Variants in ATP7B observed in about 807,000 individuals in gnomAD.
The protein encoded by ATP7B is copper-transporting ATPase 2.
A neutral mutation model predicts 118.9 loss-of-function variants in ATP7B; 113 were observed. The observed-to-expected ratio is 0.95, with a 90% CI of 0.82 to 1.11. ATP7B has a LOEUF of 1.11. Among genes scored for constraint, ATP7B ranks in the 50% most tolerant of loss-of-function variants. The pLI is 0.00. For missense variants in ATP7B, 1,867 were observed against 1,871.4 expected, an observed-to-expected ratio of 1.00 and a Z score of 0.04; for synonymous variants, 777 against 727.4, an observed-to-expected ratio of 1.07 and a Z score of -1.10.
chr13:51,997,636 C>T (rs971955393), intron 1 of ATP7B, among the ~76,000 whole-genome samples: 2 of 152,114 alleles, frequency 1.3e-5, no homozygotes, highest in African/African-American at 4.8e-5. Context: ...GAGGAGAGAA[C>T]TCACAGAATC....
chr13:51,937,158 C>A (rs1201275191), intron 19 of ATP7B, 118 bp downstream of exon 19: 4 of 884,960 alleles, frequency 4.5e-6, no homozygotes, highest in Non-Finnish European at 5.4e-6. Flanking sequence ...AAAAAAACAG[C>A]CTTTCTAAAA....
At chr13:51,939,367 C>A (rs1366531588) in intron 16 of ATP7B, among the ~76,000 whole-genome samples, 174 bp from the exon 17 acceptor site, 2 of 152,178 alleles carry the variant, frequency 1.3e-5, no homozygotes, top group Admixed American at 1.3e-4. Context: ...TACGGATGTA[C>A]ACAAAAGTCT....
At chr13:51,935,499 T>C (rs1956904724) in intron 20 of ATP7B, 94 bp downstream of exon 20, 1 of 1,329,580 alleles carries the variant, frequency 7.5e-7, no homozygotes, top group Non-Finnish European at 1.1e-6. Flanking sequence ...GGTGAATGAA[T>C]GGGAAATGAG....
rs1256067095 is a variant in ATP7B at position 51,932,884 on chromosome 13, C to G, written c.*1872G>C. 1 of 152,046 alleles carries G rather than the reference C, an allele frequency of 6.6e-6. No individual in the cohort carries two copies. The highest frequency in any genetic ancestry group is 2.4e-5 in the African/African-American group (1 of 41,382). The allele number at this position is 152,046 out of a possible 1,614,324, so 9.4% of individuals were successfully genotyped here. A position where few individuals can be genotyped will look rare whatever the true frequency, so the allele number is the denominator to read the frequency against. On this transcript the variant is annotated 3_prime_UTR_variant, in exon 21 of 21. Coordinates refer to ENST00000242839, the MANE Select transcript of ATP7B (RefSeq NM_000053.4). ...AGAATTAGATTCTTTAGATAATGAT[C>G]AGCCTAGTCAGAAAACAACATTCCC...
Position 51,942,424 on chromosome 13 carries a change from C to A in ATP7B, c.3374G>T (p.Ser1125Ile), listed in dbSNP as rs1214629152. The change falls in exon 15 of 21, where the codon AGT becomes ATT. Residue 1125 changes from serine to isoleucine, a missense_variant. Coordinates refer to ENST00000242839, the MANE Select transcript of ATP7B (RefSeq NM_000053.4). ...HSERPLSAPA[S>I]HLNEAGSLPA... ...AAGGCTGCCAGCCTCATTCAGGTGA[C>A]TGGCCGGTGCACTCAAAGGGCGCTC... The A allele has an allele frequency of 6.2e-7, 1 of 1,614,244 alleles. No individual in the cohort carries two copies. Among genetic ancestry groups the A allele is most frequent in the Admixed American group, 1.7e-5 (1 of 60,036 alleles).
Position 51,944,118 on chromosome 13 carries a change from G to C in ATP7B, c.3234C>G (p.Tyr1078Ter). Residue 1078 changes from tyrosine to a stop codon, truncating the protein, a stop_gained, in exon 14 of 21, where the codon TAC (tyrosine) becomes TAG (stop). Coordinates refer to ENST00000242839, the MANE Select transcript of ATP7B (RefSeq NM_000053.4). LOFTEE classifies it high-confidence loss of function. ...GCCCAAGTCCACGTACCTCTTTACAGTATTTGGTGACTGCCACGCCCAAGG... is the reference window on the plus strand; with the variant it reads ...GCCCAAGTCCACGTACCTCTTTACACTATTTGGTGACTGCCACGCCCAAGG... ...EHPLGVAVTK[Y>*]CKEELGTETL... The C allele has an allele frequency of 6.2e-7, 1 of 1,614,134 alleles. No individual in the cohort carries two copies. Among genetic ancestry groups the C allele is most frequent in the Non-Finnish European group, 8.5e-7 (1 of 1,180,022 alleles).
At position 51,937,313 on chromosome 13, in the gene ATP7B, T is replaced by C. The variant is rs2138558760; in HGVS notation, c.3984A>G (p.Ala1328=). The change falls in exon 19 of 21, where the codon GCA becomes GCG. Residue 1328 remains alanine (A), a synonymous_variant. Coordinates refer to ENST00000242839, the MANE Select transcript of ATP7B (RefSeq NM_000053.4). ...GTATCCCAACCAGGTTATAAATCAG[T>C]GCCAGGACCAGGTTGATGCGTATCC... is the stretch of plus-strand genomic sequence containing the variant. ...VRRIRINLVL[A]LIYNLVGIPI... 2 of 1,614,172 alleles carry C rather than the reference T, an allele frequency of 1.2e-6. No homozygotes were observed. The highest frequency in any genetic ancestry group is 1.7e-5 in the Admixed American group (1 of 60,024).
intron 1 of ATP7B, among the ~76,000 whole-genome samples, chr13:51,999,062 G>C (rs1002259327): frequency 4.6e-5 from 7 of 152,192 alleles, no homozygotes; most frequent in Admixed American, 3.9e-4. Flanking sequence ...GCCACCAACA[G>C]TCAGGGCTCT....
At chr13:51,936,804 G>A (rs59883702) in intron 19 of ATP7B, among the ~76,000 whole-genome samples, 15,777 of 152,182 alleles carry the variant, frequency 0.1, 1,336 homozygotes, top group African/African-American at 0.24. Flanking sequence ...TGGAATTACA[G>A]GCATGAGCCA....
At chr13:51,959,979 T>C in intron 7 of ATP7B, 169 bp downstream of exon 7, 1 of 936,126 alleles carries the variant, frequency 1.1e-6, no homozygotes, top group Non-Finnish European at 1.6e-6. Context: ...CCCCACCTAC[T>C]GGTCATTAAG....
chr13:51,964,836 AAAAAGGTG>A lies in ATP7B; in HGVS notation c.1869+28_1869+35del, dbSNP rs756690474. Reference sequence around the variant, plus strand: ...TCACTGATTATATATTACTGTTTTTAAAAAGGTGACTACAATTTTTTAATGAATTACTT... The same window carrying A: ...TCACTGATTATATATTACTGTTTTTAACTACAATTTTTTAATGAATTACTT... On this transcript the variant is annotated intron_variant, in intron 5 of 20. Transcript: ENST00000242839. The A allele has an allele frequency of 1.2e-5, 19 of 1,604,718 alleles. No individual in the cohort carries two copies. In the African/African-American group the frequency reaches 2.5e-4, roughly 21 times the overall value.
In ATP7B at chr13:51,963,038, G is replaced by A. The variant is rs149744787; in HGVS notation, c.1870-1125C>T. ...ACCCGGGAGGCAGAGCTTGCAGTGA[G>A]CTGAGACCATGCCACTGCACTCCAG... On this transcript the variant is annotated intron_variant, in intron 5 of 20. Coordinates refer to ENST00000242839, the MANE Select transcript of ATP7B (RefSeq NM_000053.4). Among the ~76,000 whole-genome samples, 10 of 152,020 alleles carry A rather than the reference G, an allele frequency of 6.6e-5. No individual in the cohort carries two copies. The East Asian group carries it at 1.9e-3, about 30-fold the overall frequency.
At chr13:51,938,079 T>C (rs1957077763) in intron 17 of ATP7B, among the ~76,000 whole-genome samples, 2 of 152,128 alleles carry the variant, frequency 1.3e-5, no homozygotes, top group African/African-American at 4.8e-5. Context: ...TGGGTCTGCT[T>C]CCGAGGGTCC....
At position 52,011,330 on chromosome 13, in the gene ATP7B, T is replaced by TC; in HGVS notation, c.7dup (p.Glu3GlyfsTer19). 6.2e-7 allele frequency: 1 copy of TC among 1,614,218 alleles called. No individual in the cohort carries two copies. Among genetic ancestry groups the TC allele is most frequent in the African/African-American group, 1.3e-5 (1 of 75,072 alleles). On this transcript the variant is annotated frameshift_variant, in exon 1 of 21. Coordinates refer to ENST00000242839, the MANE Select transcript of ATP7B (RefSeq NM_000053.4). LOFTEE classifies it high-confidence loss of function. The stretch of plus-strand genomic sequence containing the variant: ...TCTGGCTGTGATCTGTCTCTCCTGC[T>TC]CAGGCATCGTCCCGCACGGACACCG...
chr13:51,940,952 A>G lies in ATP7B; in HGVS notation c.3556+129T>C, dbSNP rs1957292588. On this transcript the variant is annotated intron_variant, in intron 16 of 20. Coordinates refer to ENST00000242839, the MANE Select transcript of ATP7B (RefSeq NM_000053.4). ...ACAAAAAGACAATCTTCTGGAAAAC[A>G]GGCCTGAAATTAAGAGAGGAAGGCT... The G allele has an allele frequency of 5.1e-6, 7 of 1,365,456 alleles. No homozygotes were observed. The Admixed American group carries it at 1.3e-4, about 26-fold the overall frequency. 84.6% of individuals were successfully genotyped at this position (1,365,456 alleles called of 1,614,324 possible).
chr13:52,008,986 T>C (rs1953901669), intron 1 of ATP7B, among the ~76,000 whole-genome samples: 1 of 152,174 alleles, frequency 6.6e-6, no homozygotes, highest in South Asian at 2.1e-4. Context: ...GCCATCCTCC[T>C]GCCTCAGCCT....
intron 4 of ATP7B, 36 bp from the exon 5 acceptor site, chr13:51,965,069 G>C: frequency 6.2e-7 from 1 of 1,612,658 alleles, no homozygotes; most frequent in East Asian, 2.2e-5. Flanking sequence ...CACAGACCCA[G>C]GATCAAGGAA....
chr13:51,958,097 G>A, intron 8 of ATP7B: 1 of 610,370 alleles, frequency 1.6e-6, no homozygotes, highest in South Asian at 2.0e-5. Context: ...CCTGAATGAT[G>A]GTTTTAATAA....
Position 51,941,134 on chromosome 13 carries a change from G to T in ATP7B, c.3503C>A (p.Ala1168Asp). 6.2e-7 allele frequency: 1 copy of T among 1,614,162 alleles called. No individual in the cohort carries two copies. Among genetic ancestry groups the T allele is most frequent in the Middle Eastern group, 1.6e-4 (1 of 6,062 alleles). ...GLTISSDVSD[A>D]MTDHEMKGQT... ...TCCTTTCATCTCGTGGTCTGTCATA[G>T]CGTCACTGACATCGCTAGAAATGGT... Residue 1168 changes from alanine to aspartate, a missense_variant, in exon 16 of 21, where the codon GCT becomes GAT. Physicochemically the swap from Ala to Asp is moderately radical, Grantham distance 126. Coordinates refer to ENST00000242839, the MANE Select transcript of ATP7B (RefSeq NM_000053.4).
Sources: allele counts gnomAD v4.1 joint callset (sites outside exome capture counted in the v4.1 genomes callset), GRCh38; gene constraint gnomAD v4.1.1; transcripts MANE v1.5; gene names NCBI Gene and HGNC (gene_info 2026-07-23, HGNC 2026-07-21).